Variants in LARP1 observed in about 807,000 individuals in gnomAD.
The protein encoded by LARP1 is la-related protein 1.
A neutral mutation model predicts 122.7 loss-of-function variants in LARP1; 36 were observed. The observed-to-expected ratio is 0.29, with a 90% CI of 0.22 to 0.39. The LOEUF is 0.39. LARP1 is among the 10% of genes least tolerant of loss of function. The pLI, the probability that LARP1 is intolerant of heterozygous loss-of-function variation, is 1.00. For synonymous variants in LARP1, 539 were observed against 528.7 expected, an observed-to-expected ratio of 1.02 and a Z score of -0.27; for missense variants, 1,040 against 1,403.6, an observed-to-expected ratio of 0.74 and a Z score of 4.14.
chr5:154,707,040 T>C (rs1200807986), intron 1 of LARP1, among the ~76,000 whole-genome samples: 1 of 152,224 alleles, frequency 6.6e-6, no homozygotes. Flanking sequence ...AATGCTTTTG[T>C]CTGTCTCTTA....
chr5:154,735,549 A>ATTTT (rs1756837309), intron 1 of LARP1, among the ~76,000 whole-genome samples: 1 of 146,628 alleles, frequency 6.8e-6, no homozygotes, highest in South Asian at 2.1e-4. Context: ...TTTTATTTTT[A>ATTTT]TTTATTTATT....
intron 1 of LARP1, among the ~76,000 whole-genome samples, chr5:154,737,891 C>G (rs1046236522): frequency 6.6e-6 from 1 of 152,118 alleles, no homozygotes; most frequent in Non-Finnish European, 1.5e-5. Context: ...CTCAGCCCTC[C>G]CCTTCATAGT....
rs748853573 is a variant in LARP1, at chr5:154,744,616, A to AT, written c.205+31525dup. Among the ~76,000 whole-genome samples the AT allele has an allele frequency of 5.9e-3, 425 of 71,988 alleles. 167 individuals are homozygous for AT. The highest frequency in any genetic ancestry group is 7.4e-3 in the Non-Finnish European group (261 of 35,044). The allele number at this position is 71,988 out of a possible 152,430, so 47.2% of individuals were successfully genotyped here. A position where few individuals can be genotyped will look rare whatever the true frequency, so the allele number is the denominator to read the frequency against. On this transcript the variant is annotated intron_variant, in intron 1 of 18. Coordinates refer to the LARP1 transcript ENST00000336314. ...CAGGGGAAAGGGCATTGGATATGCA[A>AT]TTTTTTTTTTTTTTTTTTTTTTTTT...
At chr5:154,804,763 A>G (rs1191544133) in intron 14 of LARP1, 1 of 456,116 alleles carries the variant, frequency 2.2e-6, no homozygotes, top group Admixed American at 2.3e-5. Flanking sequence ...ACTCTTTTTT[A>G]TTTATTTCAG....
intron 10 of LARP1, among the ~76,000 whole-genome samples, chr5:154,801,034 G>C (rs976454116): frequency 1.3e-5 from 2 of 152,110 alleles, no homozygotes. Context: ...CAGAATTAGA[G>C]CCCCTACTCT....
At chr5:154,810,952 TACTCA>T (rs774852753) in intron 16 of LARP1, among the ~76,000 whole-genome samples, 1 of 152,238 alleles carries the variant, frequency 6.6e-6, no homozygotes, top group Non-Finnish European at 1.5e-5. Flanking sequence ...TTGTCGTAAT[TACTCA>T]ACTCCGTTCA....
chr5:154,718,462 G>A (rs976305927), intron 1 of LARP1: 2 of 152,168 alleles, frequency 1.3e-5, no homozygotes, highest in Non-Finnish European at 2.9e-5. Context: ...GATCAGCATG[G>A]GAGCACTGGA....
rs70981943 is a variant in LARP1 at position 154,721,346 on chromosome 5, CAAAAAAAAAA to C, written c.205+8232_205+8241del. ...TGGGCAACAGAGCGAGACTCCGTCT[CAAAAAAAAAA>C]AAAAAAAAAAAAAAAGTGTCAGGGA... On this transcript the variant is annotated intron_variant, in intron 1 of 18. Transcript: ENST00000336314. Among the ~76,000 whole-genome samples, 1,181 of 126,906 alleles carry C rather than the reference CAAAAAAAAAA, an allele frequency of 9.3e-3. 7 individuals carry two copies. The highest frequency in any genetic ancestry group is 0.028 in the African/African-American group (957 of 34,768). The allele number at this position is 126,906 out of a possible 152,430, so 83.3% of individuals were successfully genotyped here.
At chr5:154,730,093 T>C (rs1756462901) in intron 1 of LARP1, among the ~76,000 whole-genome samples, 1 of 152,218 alleles carries the variant, frequency 6.6e-6, no homozygotes, top group Non-Finnish European at 1.5e-5. Context: ...TTACACAAAA[T>C]ATTATAACAC....
At chr5:154,767,676 C>A (rs1041659731) in intron 1 of LARP1, among the ~76,000 whole-genome samples, 1 of 152,208 alleles carries the variant, frequency 6.6e-6, no homozygotes, top group African/African-American at 2.4e-5. Flanking sequence ...TCATGGCTTT[C>A]TGCAGCTTTG....
chr5:154,806,122 C>T, intron 15 of LARP1, 90 bp downstream of exon 15: 3 of 1,364,796 alleles, frequency 2.2e-6, no homozygotes, highest in Non-Finnish European at 3.0e-6. Flanking sequence ...ATAGGTGACT[C>T]TTTTCTCTGA....
chr5:154,708,122 TTGAAAGC>T (rs1755038134), upstream of LARP1, among the ~76,000 whole-genome samples: 1 of 152,158 alleles, frequency 6.6e-6, no homozygotes, highest in Admixed American at 6.6e-5. Context: ...TCAAACTCTT[TTGAAAGC>T]TGAGATAGGT....
intron 1 of LARP1, among the ~76,000 whole-genome samples, chr5:154,767,271 T>G (rs79058900): frequency 0.025 from 3,805 of 152,308 alleles, 154 homozygotes; most frequent in African/African-American, 0.087. Flanking sequence ...AATACTCAAC[T>G]GGAGCCTGGC....
At chr5:154,773,586 C>T (rs557720782) in intron 1 of LARP1, among the ~76,000 whole-genome samples, 16 of 152,298 alleles carry the variant, frequency 1.1e-4, no homozygotes, top group African/African-American at 2.2e-4. Flanking sequence ...GATACTTAAC[C>T]GAGCTGCCAC....
intron 15 of LARP1, among the ~76,000 whole-genome samples, chr5:154,806,730 A>C (rs768033834): frequency 6.6e-6 from 1 of 152,178 alleles, no homozygotes; most frequent in Non-Finnish European, 1.5e-5. Flanking sequence ...TCTTTCATTC[A>C]ACAAAACGTG....
At chr5:154,763,921 G>A (rs1323554801) in intron 1 of LARP1, among the ~76,000 whole-genome samples, 3 of 152,128 alleles carry the variant, frequency 2.0e-5, no homozygotes, top group Non-Finnish European at 4.4e-5. Flanking sequence ...GGCTGAGGTG[G>A]GAGGATCACT....
rs774409374 is a variant in LARP1 at position 154,814,130 on chromosome 5, A to T, written c.*34A>T. 10 of 1,561,616 alleles carry T rather than the reference A, an allele frequency of 6.4e-6. No individual in the cohort carries two copies. The highest frequency in any genetic ancestry group is 4.6e-5 in the East Asian group (2 of 43,118). ...TTAGCCCTGGGGCTTGAGGGGGGAA[A>T]GGGGTAGGGTGGGTAAGAGTCCATG... On this transcript the variant is annotated 3_prime_UTR_variant, in exon 19 of 19. Transcript: ENST00000518297.
chr5:154,708,669 A>C (rs1311573317), upstream of LARP1, among the ~76,000 whole-genome samples: 2 of 152,132 alleles, frequency 1.3e-5, no homozygotes, highest in Non-Finnish European at 2.9e-5. Context: ...GCTGGAGTGC[A>C]ATGGTGATCT....
intron 1 of LARP1, among the ~76,000 whole-genome samples, chr5:154,760,609 T>C (rs758729298): frequency 6.6e-6 from 1 of 152,106 alleles, no homozygotes; most frequent in Non-Finnish European, 1.5e-5. Flanking sequence ...GCCTGAAAAT[T>C]TCCTCCACCA....
Sources: gnomAD v4.1 joint callset for allele counts (sites outside exome capture counted in the v4.1 genomes callset) on GRCh38, gnomAD v4.1.1 for gene constraint, MANE v1.5 for transcripts, NCBI Gene and HGNC (gene_info 2026-07-23, HGNC 2026-07-21) for gene names.